Variants in PRKN observed in about 807,000 individuals in gnomAD.
PRKN encodes E3 ubiquitin-protein ligase parkin.
Under a neutral mutation model 59.5 loss-of-function variants are expected in PRKN, and 56 were observed. The observed-to-expected ratio is 0.94, with a 90% CI of 0.76 to 1.18. PRKN has a LOEUF of 1.18. Ranked by LOEUF, PRKN falls within the 50% of genes most tolerant of loss-of-function variation. The probability of loss-of-function intolerance (pLI) is 0.00; values close to 1 mark genes in which losing one functional copy is unlikely to be tolerated. For missense variants in PRKN, 657 were observed against 596.4 expected, an observed-to-expected ratio of 1.10 and a Z score of -1.06; for synonymous variants, 250 against 222.1, an observed-to-expected ratio of 1.13 and a Z score of -1.12.
At chr6:161,679,833 C>T (rs1785245932) in intron 7 of PRKN, among the ~76,000 whole-genome samples, 1 of 137,384 alleles carries the variant, frequency 7.3e-6, no homozygotes, top group South Asian at 2.5e-4. Flanking sequence ...CAGCTCACTG[C>T]AAGCTCCGCC....
intron 4 of PRKN, among the ~76,000 whole-genome samples, chr6:162,084,084 G>A (rs1400879292): frequency 6.6e-6 from 1 of 151,972 alleles, no homozygotes. Flanking sequence ...TTTAGTTTTT[G>A]ACAGAGGTAA....
At chr6:161,759,987 G>A (rs1010601373) in intron 7 of PRKN, among the ~76,000 whole-genome samples, 1 of 151,386 alleles carries the variant, frequency 6.6e-6, no homozygotes, top group East Asian at 2.0e-4. Context: ...AAATGCAACC[G>A]ATTGAACCAC....
chr6:162,554,967 T>C (rs1779498052), intron 1 of PRKN, among the ~76,000 whole-genome samples: 3 of 152,190 alleles, frequency 2.0e-5, no homozygotes, highest in Admixed American at 2.0e-4. Context: ...ACACCTATTA[T>C]ATATCTAACT....
At chr6:162,588,998 TCTCA>T (rs1430586727) in intron 1 of PRKN, among the ~76,000 whole-genome samples, 5 of 152,070 alleles carry the variant, frequency 3.3e-5, no homozygotes, top group African/African-American at 1.2e-4. Flanking sequence ...GTCACCATCC[TCTCA>T]CTCTCTTCCA....
chr6:162,362,137 T>G (rs1785173135), intron 2 of PRKN, among the ~76,000 whole-genome samples: 1 of 152,220 alleles, frequency 6.6e-6, no homozygotes, highest in Admixed American at 6.5e-5. Context: ...ATTTATAAAA[T>G]TATGGTTCAG....
At chr6:161,866,917 G>C (rs533135040) in intron 6 of PRKN, among the ~76,000 whole-genome samples, 2 of 152,262 alleles carry the variant, frequency 1.3e-5, no homozygotes, top group South Asian at 4.1e-4. Context: ...GAAGAGGATG[G>C]ATGGGGTGAT....
At position 161,966,857 on chromosome 6, in the gene PRKN, A is replaced by G. The variant is rs768664234; in HGVS notation, c.734+6445T>C. On this transcript the variant is annotated intron_variant, in intron 6 of 11. Coordinates refer to ENST00000366898, the MANE Select transcript of PRKN (RefSeq NM_004562.3). ...TGTTTGTTTGTTTGTTTTGAGACGG[A>G]GTCTCGCTTTGTTGCCCAGGCTAGA... Among the ~76,000 whole-genome samples the G allele has an allele frequency of 1.5e-4, 23 of 152,328 alleles. No homozygotes were observed. In the Middle Eastern group the frequency reaches 0.017, roughly 113 times the overall value.
intron 2 of PRKN, among the ~76,000 whole-genome samples, chr6:162,293,754 C>G (rs1290026921): frequency 6.6e-6 from 1 of 152,154 alleles, no homozygotes. Context: ...TGGGGTTCCC[C>G]AAGGACCAGA....
At chr6:162,026,734 C>T (rs1252392342) in intron 5 of PRKN, among the ~76,000 whole-genome samples, 2 of 152,126 alleles carry the variant, frequency 1.3e-5, no homozygotes, top group African/African-American at 4.8e-5. Context: ...CGTAATTGTG[C>T]TGTTGTACGT....
intron 1 of PRKN, among the ~76,000 whole-genome samples, chr6:162,669,220 G>A (rs1779226000): frequency 6.7e-6 from 1 of 150,332 alleles, no homozygotes. Flanking sequence ...AAAAGCATGA[G>A]GACATCTTTT....
chr6:161,420,907 G>A (rs766446203), intron 9 of PRKN, among the ~76,000 whole-genome samples: 7 of 152,094 alleles, frequency 4.6e-5, no homozygotes, highest in Non-Finnish European at 1.0e-4. Flanking sequence ...TCCATTTGCC[G>A]TACTAAATCA....
chr6:161,716,782 G>A (rs1347376861), intron 7 of PRKN, among the ~76,000 whole-genome samples: 1 of 152,208 alleles, frequency 6.6e-6, no homozygotes, highest in Non-Finnish European at 1.5e-5. Context: ...CAGCGTGGGA[G>A]GTGAAGTGGC....
In PRKN at chr6:161,391,133, C is replaced by T. The variant is rs773685942; in HGVS notation, c.1084-4256G>A. On this transcript the variant is annotated intron_variant, in intron 9 of 11. Coordinates refer to ENST00000366898, the MANE Select transcript of PRKN (RefSeq NM_004562.3). The surrounding 1 kb of genome is among the most constrained non-coding windows in gnomAD (Gnocchi z 4.9). ...GCCGGGGAAGAAAGCAGACCTAGCT[C>T]CAACATTTTCACATCCATTCTGCTG... Among the ~76,000 whole-genome samples the T allele has an allele frequency of 5.3e-5, 8 of 152,220 alleles. No homozygotes were observed. In the South Asian group the frequency reaches 1.2e-3, roughly 24 times the overall value.
chr6:161,452,820 C>T (rs140050285), intron 9 of PRKN, among the ~76,000 whole-genome samples: 238 of 151,990 alleles, frequency 1.6e-3, no homozygotes, highest in Non-Finnish European at 3.0e-3. Flanking sequence ...AACCCACAGG[C>T]GAGGGGCAGG....
At chr6:162,480,234 G>A (rs755908802) in intron 1 of PRKN, among the ~76,000 whole-genome samples, 3 of 152,084 alleles carry the variant, frequency 2.0e-5, no homozygotes, top group Non-Finnish European at 4.4e-5. Flanking sequence ...CACGAGGAAC[G>A]CATTGTACTA....
At chr6:161,991,529 G>A (rs1358397478) in intron 5 of PRKN, among the ~76,000 whole-genome samples, 1 of 152,122 alleles carries the variant, frequency 6.6e-6, no homozygotes, top group African/African-American at 2.4e-5. Flanking sequence ...GATAATAAAT[G>A]GCTAAATGAA....
chr6:161,397,312 T>A lies in PRKN; in HGVS notation c.1084-10435A>T, dbSNP rs1318935777. On this transcript the variant is annotated intron_variant, in intron 9 of 11. Coordinates refer to ENST00000366898, the MANE Select transcript of PRKN (RefSeq NM_004562.3). This position sits in a 1 kb window ranked among gnomAD's most constrained non-coding sequence, Gnocchi z 4.2. ...AAGCATAAAAGAGCTGAAGGACAAT[T>A]GTGTACTCCATGATACAATGCACAA... Among the ~76,000 whole-genome samples, 2 of 152,160 alleles carry A rather than the reference T, an allele frequency of 1.3e-5. No homozygotes were observed. Among genetic ancestry groups the A allele is most frequent in the Non-Finnish European group, 2.9e-5 (2 of 68,026 alleles).
intron 6 of PRKN, among the ~76,000 whole-genome samples, chr6:161,933,273 C>T (rs748115547): frequency 3.0e-4 from 46 of 151,574 alleles, no homozygotes; most frequent in Non-Finnish European, 4.7e-4. Flanking sequence ...AGCGAGACTC[C>T]GTTTCAAAAC....
intron 7 of PRKN, among the ~76,000 whole-genome samples, chr6:161,607,185 G>A (rs1379695786): frequency 2.0e-5 from 3 of 152,204 alleles, no homozygotes; most frequent in South Asian, 2.1e-4. Context: ...GTGCAGGTGT[G>A]CCCCTTCCTC....
Sources: allele counts gnomAD v4.1 joint callset (sites outside exome capture counted in the v4.1 genomes callset), GRCh38; gene constraint gnomAD v4.1.1; non-coding constraint Gnocchi (gnomAD v3.1); transcripts MANE v1.5; gene names NCBI Gene and HGNC (gene_info 2026-07-23, HGNC 2026-07-21).